The following IL23R variants were observed in gnomAD, a reference collection of about 807,000 sequenced individuals.
IL23R encodes the protein interleukin-23 receptor.
In IL23R, 34 loss-of-function variants were observed where a neutral mutation model predicts 56.9. That is an observed-to-expected ratio of 0.60 (90% CI 0.45 to 0.80). IL23R has a LOEUF of 0.80. Ranked by LOEUF, IL23R falls within the 30% of genes least tolerant of loss-of-function variation. The probability of loss-of-function intolerance (pLI) is 0.00; values close to 1 mark genes in which losing one functional copy is unlikely to be tolerated. For missense variants in IL23R, 635 were observed against 730.0 expected, an observed-to-expected ratio of 0.87 and a Z score of 1.50; for synonymous variants, 230 against 249.2, an observed-to-expected ratio of 0.92 and a Z score of 0.73.
chr1:67,200,206 A>G (rs61780314), intron 4 of IL23R, among the ~76,000 whole-genome samples: 3,492 of 151,202 alleles, frequency 0.023, 54 homozygotes, highest in South Asian at 0.058. Flanking sequence ...CGCCCGGCTA[A>G]TTTCTTTTTG....
At chr1:67,167,866 A>T (rs372319723) in intron 1 of IL23R, among the ~76,000 whole-genome samples, 3 of 152,188 alleles carry the variant, frequency 2.0e-5, no homozygotes, top group East Asian at 1.9e-4. Flanking sequence ...AGAGTATAAA[A>T]TTCCATTTAT....
intron 1 of IL23R, among the ~76,000 whole-genome samples, chr1:67,144,926 G>T (rs1646666778): frequency 6.6e-6 from 1 of 152,036 alleles, no homozygotes; most frequent in Non-Finnish European, 1.5e-5. Flanking sequence ...CTCCACTGGG[G>T]GTCCCACAGG....
chr1:67,194,964 G>A (rs958942914), intron 4 of IL23R, among the ~76,000 whole-genome samples: 4 of 152,156 alleles, frequency 2.6e-5, no homozygotes, highest in African/African-American at 9.7e-5. Context: ...AAATTTTACT[G>A]GTAAGAAATA....
intron 6 of IL23R, among the ~76,000 whole-genome samples, chr1:67,218,324 ATATGTGTGTG>A (rs1558249175): frequency 2.5e-5 from 3 of 120,388 alleles, no homozygotes; most frequent in East Asian, 4.7e-4. Flanking sequence ...ACATATATGC[ATATGTGTGTG>A]TGTGTGTGTG....
At chr1:67,261,534 G>C (rs116182917), downstream of IL23R, among the ~76,000 whole-genome samples, 390 of 151,100 alleles carry the variant, frequency 2.6e-3, 4 homozygotes, top group African/African-American at 9.3e-3. Flanking sequence ...TGCATATTCT[G>C]AAAGGAATAT....
chr1:67,195,166 G>A (rs543716182), intron 4 of IL23R, among the ~76,000 whole-genome samples: 69 of 152,230 alleles, frequency 4.5e-4, no homozygotes, highest in African/African-American at 1.6e-3. Context: ...CTGAGTAGCT[G>A]GGAGGACAGG....
intron 4 of IL23R, among the ~76,000 whole-genome samples, chr1:67,193,241 C>A (rs1020452985): frequency 1.3e-5 from 2 of 152,140 alleles, no homozygotes; most frequent in Non-Finnish European, 2.9e-5. Flanking sequence ...AACCTTAAAA[C>A]CCACCCCTAC....
intron 6 of IL23R, among the ~76,000 whole-genome samples, chr1:67,215,208 C>T (rs550552688): frequency 1.8e-4 from 28 of 152,308 alleles, no homozygotes; most frequent in Admixed American, 1.5e-3. Context: ...GTTTTGTCTG[C>T]GGCTCGTCCT....
chr1:67,239,126 A>G (rs1018547974), intron 8 of IL23R, among the ~76,000 whole-genome samples: 3 of 152,222 alleles, frequency 2.0e-5, no homozygotes, highest in Non-Finnish European at 4.4e-5. Context: ...ATATTTGAAA[A>G]TAGGGCTTTT....
chr1:67,140,057 G>A (rs915807692), intron 1 of IL23R, among the ~76,000 whole-genome samples: 2 of 152,180 alleles, frequency 1.3e-5, no homozygotes, highest in Admixed American at 6.5e-5. Flanking sequence ...GCAGCAAGAA[G>A]TCCCTCACCA....
At chr1:67,231,430 T>G (rs1469675721) in intron 7 of IL23R, among the ~76,000 whole-genome samples, 2 of 152,166 alleles carry the variant, frequency 1.3e-5, no homozygotes, top group Non-Finnish European at 2.9e-5. Flanking sequence ...GTGCTTGATA[T>G]GAACTGTCTC....
At chr1:67,235,954 T>C (rs1167403502) in intron 7 of IL23R, among the ~76,000 whole-genome samples, 1 of 152,184 alleles carries the variant, frequency 6.6e-6, no homozygotes, top group Non-Finnish European at 1.5e-5. Flanking sequence ...TCTTCAGAAA[T>C]GTCTTCTGCC....
At position 67,219,729 on chromosome 1, in the gene IL23R, A is replaced by G; in HGVS notation, c.954A>G (p.Thr318=). 1 of 1,612,970 alleles carries G rather than the reference A, an allele frequency of 6.2e-7. No homozygotes were observed. Among genetic ancestry groups the G allele is most frequent in the Non-Finnish European group, 8.5e-7 (1 of 1,178,922 alleles). ...SSLFFHKTPE[T]VPQVTSKAFQ... The stretch of plus-strand genomic sequence containing the variant: ...TGTTTTTTCATAAAACACCTGAAAC[A>G]GGTGAGTGTACTTATATATTTTATT... The change falls in exon 7 of 11, where the codon ACA becomes ACG. Residue 318 remains threonine, a splice_region_variant and synonymous_variant. Coordinates refer to ENST00000347310, the MANE Select transcript of IL23R (RefSeq NM_144701.3).
intron 1 of IL23R, among the ~76,000 whole-genome samples, chr1:67,158,599 A>T (rs921679149): frequency 1.3e-5 from 2 of 152,102 alleles, no homozygotes; most frequent in African/African-American, 4.8e-5. Flanking sequence ...GTAATGGTAA[A>T]CTGACATGGC....
intron 9 of IL23R, among the ~76,000 whole-genome samples, chr1:67,244,497 C>A (rs1570916144): frequency 2.6e-5 from 4 of 151,976 alleles, no homozygotes; most frequent in Admixed American, 2.6e-4. Context: ...GTATAAGGTG[C>A]AAGGAAGGGA....
Position 67,141,892 on chromosome 1 carries a change from G to A in IL23R, c.-634+2731G>A, listed in dbSNP as rs565145923. Among the ~76,000 whole-genome samples, 13 of 152,318 alleles carry A rather than the reference G, an allele frequency of 8.5e-5. 1 individual carries two copies. The South Asian group carries it at 2.7e-3, about 32-fold the overall frequency. On this transcript the variant is annotated intron_variant, in intron 1 of 10. Transcript: ENST00000637002. ...TACCTTTTAAGCATTTCGTGGGGCA[G>A]GGGGAGATTTGTGCAGGGGGAAGCG...
chr1:67,178,028 G>A (rs143053374), intron 3 of IL23R, among the ~76,000 whole-genome samples: 1 of 151,860 alleles, frequency 6.6e-6, no homozygotes. Flanking sequence ...TAGCCTTGTA[G>A]TATAGTTTGA....
At chr1:67,163,262 A>G (rs1646838544), upstream of IL23R, among the ~76,000 whole-genome samples, 1 of 151,936 alleles carries the variant, frequency 6.6e-6, no homozygotes, top group African/African-American at 2.4e-5. Context: ...TGAGATTAGG[A>G]GTTTGAGACC....
At chr1:67,243,273 A>G (rs1203752590) in intron 9 of IL23R, among the ~76,000 whole-genome samples, 1 of 151,882 alleles carries the variant, frequency 6.6e-6, no homozygotes, top group Non-Finnish European at 1.5e-5. Flanking sequence ...TTGTATATCT[A>G]AACAATTTTA....
Sources: gnomAD v4.1 joint callset for allele counts (sites outside exome capture counted in the v4.1 genomes callset) on GRCh38, gnomAD v4.1.1 for gene constraint, MANE v1.5 for transcripts, NCBI Gene and HGNC (gene_info 2026-07-23, HGNC 2026-07-21) for gene names.